Variants in SETD3 observed in about 807,000 individuals in gnomAD.
The protein encoded by SETD3 is actin-histidine N-methyltransferase.
A neutral mutation model predicts 63.0 loss-of-function variants in SETD3; 19 were observed. The observed-to-expected ratio is 0.30, with a 90% CI of 0.21 to 0.44. The LOEUF (loss-of-function observed/expected upper bound fraction) is 0.44, where lower values mean the gene tolerates loss of function less well. SETD3 is among the 20% of genes least tolerant of loss of function. The pLI is 1.00. For synonymous variants in SETD3, 286 were observed against 264.1 expected (o/e 1.08, Z -0.80); for missense variants, 587 against 728.5 (o/e 0.81, Z 2.24).
chr14:99,439,369 TCACAGA>T (rs1893661967), intron 6 of SETD3, among the ~76,000 whole-genome samples: 1 of 152,196 alleles, frequency 6.6e-6, no homozygotes, highest in Non-Finnish European at 1.5e-5. Context: ...GCCCCAAGCT[TCACAGA>T]GATCAGACAA....
intron 1 of SETD3, among the ~76,000 whole-genome samples, chr14:99,472,441 A>G (rs1186680401): frequency 6.6e-6 from 1 of 152,224 alleles, no homozygotes; most frequent in African/African-American, 2.4e-5. Flanking sequence ...TTATGATTCA[A>G]AAGTCTGTTA....
At chr14:99,467,615 G>A (rs1264601437) in intron 1 of SETD3, among the ~76,000 whole-genome samples, 2 of 152,240 alleles carry the variant, frequency 1.3e-5, no homozygotes, top group African/African-American at 2.4e-5. Context: ...GGCTTGGCAG[G>A]AGGAGACGCA....
chr14:99,413,054 G>A lies in SETD3; in HGVS notation c.746C>T (p.Ser249Phe). Residue 249 changes from serine (S) to phenylalanine (F), a missense_variant, in exon 8 of 13, where the codon TCT becomes TTT. Coordinates refer to ENST00000331768, the MANE Select transcript of SETD3 (RefSeq NM_032233.3). ...TTGGTTTTGCCTCGTCATAACAGAA[G>A]AGACTGCCCACCTATAACAAGATAA... The part of the protein sequence containing the change: ...FTYEDYRWAV[S>F]SVMTRQNQIP... 1.2e-6 allele frequency: 2 copies of A among 1,602,980 alleles called. No individual in the cohort carries two copies. Among genetic ancestry groups the A allele is most frequent in the Non-Finnish European group, 1.7e-6 (2 of 1,170,070 alleles).
rs1891557182 is a variant in SETD3, at chr14:99,404,247, G to A, written c.1155C>T (p.Leu385=). 5.0e-6 allele frequency: 8 copies of A among 1,614,034 alleles called. No homozygotes were observed. The highest frequency in any genetic ancestry group is 6.8e-6 in the Non-Finnish European group (8 of 1,179,972). Residue 385 remains leucine (L), a synonymous_variant, in exon 11 of 13, where the codon CTC becomes CTT. Transcript: ENST00000331768. ...PPISAQLLAF[L]RVFCMTEEEL... ...TACCTTCAGTCATACAGAATACTCG[G>A]AGAAAAGCCAAAAGCTGAGCAGAGA... is the stretch of plus-strand genomic sequence containing the variant.
chr14:99,420,433 A>C (rs1281503601), intron 6 of SETD3, among the ~76,000 whole-genome samples: 1 of 152,104 alleles, frequency 6.6e-6, no homozygotes, highest in Admixed American at 6.6e-5. Flanking sequence ...ATACACTTCT[A>C]CTCTTTTTCC....
At chr14:99,478,492 AC>A (rs1474881382) in intron 1 of SETD3, among the ~76,000 whole-genome samples, 1 of 152,218 alleles carries the variant, frequency 6.6e-6, no homozygotes, top group Non-Finnish European at 1.5e-5. Flanking sequence ...TCTAAACCCT[AC>A]TTCGGATTTG....
intron 6 of SETD3, among the ~76,000 whole-genome samples, chr14:99,447,924 C>T (rs1427955997): frequency 6.6e-6 from 1 of 152,178 alleles, no homozygotes; most frequent in East Asian, 1.9e-4. Flanking sequence ...ACAGGCTGGA[C>T]TGACAGGCCC....
upstream of SETD3, among the ~76,000 whole-genome samples, chr14:99,485,042 T>G (rs1051879911): frequency 6.6e-6 from 1 of 152,156 alleles, no homozygotes; most frequent in Non-Finnish European, 1.5e-5. Context: ...TGTGAAAAAA[T>G]AATTGAAGAG....
intron 6 of SETD3, among the ~76,000 whole-genome samples, chr14:99,439,552 C>T (rs1893671335): frequency 6.7e-6 from 1 of 149,820 alleles, no homozygotes; most frequent in Non-Finnish European, 1.5e-5. Flanking sequence ...AAACTCATTA[C>T]ATATATATTC....
intron 6 of SETD3, among the ~76,000 whole-genome samples, chr14:99,439,074 A>G (rs1374222613): frequency 6.6e-6 from 1 of 152,234 alleles, no homozygotes; most frequent in Non-Finnish European, 1.5e-5. Context: ...TATCACACAA[A>G]GAGAACTGCT....
chr14:99,463,651 G>C, intron 2 of SETD3, 73 bp from the exon 3 acceptor site: 1 of 1,230,724 alleles, frequency 8.1e-7, no homozygotes, highest in Non-Finnish European at 1.2e-6. Context: ...ACAAGAAAGA[G>C]GATTTGGACT....
Position 99,463,542 on chromosome 14 carries a change from C to A in SETD3, c.140G>T (p.Trp47Leu). 3.1e-6 allele frequency: 5 copies of A among 1,614,120 alleles called. No homozygotes were observed. Among genetic ancestry groups the A allele is most frequent in the Non-Finnish European group, 4.2e-6 (5 of 1,180,012 alleles). ...SSPAPGPGKE[W>L]EEYVQIRTLV... ...AGTCCGGATCTGCACATACTCTTCC[C>A]ACTCTTTTCCTGGGCCAGGCGCCGG... is the stretch of plus-strand genomic sequence containing the variant. The change falls in exon 3 of 13, where the codon TGG becomes TTG. Residue 47 changes from tryptophan to leucine, a missense_variant. Physicochemically the swap from Trp to Leu is moderately conservative, Grantham distance 61. Coordinates refer to ENST00000331768, the MANE Select transcript of SETD3 (RefSeq NM_032233.3).
At chr14:99,451,663 T>C (rs988362113) in intron 6 of SETD3, among the ~76,000 whole-genome samples, 20 of 151,672 alleles carry the variant, frequency 1.3e-4, no homozygotes, top group African/African-American at 4.8e-4. Context: ...TGTGCCACCA[T>C]GCCTAGCTAT....
intron 6 of SETD3, among the ~76,000 whole-genome samples, chr14:99,422,907 G>A (rs1164516150): frequency 2.0e-5 from 3 of 152,218 alleles, no homozygotes; most frequent in Admixed American, 6.5e-5. Context: ...CCCCCAAGGC[G>A]CCTGGGGACA....
At chr14:99,456,859 C>T (rs949715496) in intron 6 of SETD3, among the ~76,000 whole-genome samples, 2 of 152,286 alleles carry the variant, frequency 1.3e-5, no homozygotes, top group East Asian at 1.9e-4. Flanking sequence ...CACGCCAAGT[C>T]GGTTATCAGA....
intron 6 of SETD3, among the ~76,000 whole-genome samples, chr14:99,428,660 AAAAC>A (rs1169188149): frequency 6.6e-6 from 1 of 152,170 alleles, no homozygotes; most frequent in Non-Finnish European, 1.5e-5. Flanking sequence ...AAAAGAAAGA[AAAAC>A]AAAACAAGTG....
intron 6 of SETD3, among the ~76,000 whole-genome samples, chr14:99,443,255 ATT>A (rs996583091): frequency 9.2e-5 from 10 of 108,736 alleles, no homozygotes; most frequent in East Asian, 2.5e-4. Flanking sequence ...CTGAACTCCC[ATT>A]TTTTTTTTTT....
intron 6 of SETD3, among the ~76,000 whole-genome samples, chr14:99,427,048 G>A (rs774492444): frequency 2.0e-5 from 3 of 152,202 alleles, no homozygotes; most frequent in Non-Finnish European, 4.4e-5. Context: ...AGCGTGGGGG[G>A]CAGCTGGGGA....
rs866364232 is a variant in SETD3, at chr14:99,461,239, T to C, written c.298A>G (p.Asn100Asp). The C allele has an allele frequency of 9.9e-6, 16 of 1,614,216 alleles. No homozygotes were observed. Among genetic ancestry groups the C allele is most frequent in the Non-Finnish European group, 1.3e-5 (15 of 1,180,040 alleles). The stretch of plus-strand genomic sequence containing the variant: ...AAACCAAAGCCCTCTTCTTTGAAGT[T>C]AACCATTTCAAAACCCTCGACAGAA... ...GASVEGFEMV[N>D]FKEEGFGLRA... Residue 100 changes from asparagine (N) to aspartate (D), a missense_variant, in exon 4 of 13, where the codon AAC becomes GAC. By Grantham distance (23) the Asn-to-Asp change is conservative (BLOSUM62 1). Transcript: ENST00000331768.
Sources: allele counts gnomAD v4.1 joint callset (sites outside exome capture counted in the v4.1 genomes callset), GRCh38; gene constraint gnomAD v4.1.1; transcripts MANE v1.5; gene names NCBI Gene and HGNC (gene_info 2026-07-23, HGNC 2026-07-21).